MACROD1: variants seen among roughly 807,000 people sequenced by gnomAD.
MACROD1 encodes ADP-ribose glycohydrolase MACROD1.
Under a neutral mutation model 41.4 loss-of-function variants are expected in MACROD1, and 31 were observed. The ratio of observed to expected loss-of-function variants is 0.75; its 90% confidence interval spans 0.56 to 1.01. The LOEUF is 1.01. Ranked by LOEUF, MACROD1 falls within the 50% of genes least tolerant of loss-of-function variation. The pLI is 0.00. For missense variants in MACROD1, 473 were observed against 460.0 expected (o/e 1.03, Z -0.26); for synonymous variants, 252 against 203.4 (o/e 1.24, Z -2.03).
At chr11:64,100,762 A>T (rs1476560605) in intron 3 of MACROD1, among the ~76,000 whole-genome samples, 1 of 152,150 alleles carries the variant, frequency 6.6e-6, no homozygotes, top group Non-Finnish European at 1.5e-5. Context: ...CACACCCCAG[A>T]AGCCTGAGAG....
At chr11:64,051,210 G>A (rs555265604) in intron 3 of MACROD1, among the ~76,000 whole-genome samples, 5 of 152,368 alleles carry the variant, frequency 3.3e-5, no homozygotes, top group Admixed American at 2.0e-4. Flanking sequence ...GGCCAGGGGT[G>A]CCAAGACAGG....
chr11:64,014,331 G>A (rs997825954), intron 4 of MACROD1, among the ~76,000 whole-genome samples: 6 of 152,204 alleles, frequency 3.9e-5, no homozygotes, highest in Non-Finnish European at 8.8e-5. Context: ...GAATGGGGAG[G>A]AGGGAAAACA....
chr11:64,144,201 C>T (rs1207251523), intron 3 of MACROD1, among the ~76,000 whole-genome samples: 1 of 152,030 alleles, frequency 6.6e-6, no homozygotes, highest in African/African-American at 2.4e-5. Context: ...TGCTCTTGCC[C>T]CGACTTCTGA....
chr11:64,000,602 C>T (rs1299408730), intron 4 of MACROD1, among the ~76,000 whole-genome samples: 1 of 152,062 alleles, frequency 6.6e-6, no homozygotes, highest in African/African-American at 2.4e-5. Flanking sequence ...GCACCCGGCC[C>T]ACCCTGTCCC....
chr11:64,027,600 C>T (rs1943238955), intron 3 of MACROD1, among the ~76,000 whole-genome samples: 2 of 152,190 alleles, frequency 1.3e-5, no homozygotes, highest in South Asian at 4.1e-4. Flanking sequence ...TTCCACCACC[C>T]TCTGCAGGAA....
chr11:64,117,746 G>C, intron 3 of MACROD1: 1 of 1,614,014 alleles, frequency 6.2e-7, no homozygotes. Context: ...CAGAGTACCT[G>C]CTGACAGCCC....
intron 3 of MACROD1, among the ~76,000 whole-genome samples, chr11:64,135,353 C>T (rs1434274669): frequency 1.3e-5 from 2 of 152,226 alleles, no homozygotes; most frequent in Non-Finnish European, 2.9e-5. Flanking sequence ...CCAACTACAA[C>T]GGTCCCTAAA....
In MACROD1 at chr11:64,004,287, G is replaced by A. The variant is rs557094018; in HGVS notation, c.548-3944C>T. On this transcript the variant is annotated intron_variant, in intron 4 of 10. Coordinates refer to ENST00000255681, the MANE Select transcript of MACROD1 (RefSeq NM_014067.4). Reference sequence around the variant, plus strand: ...GGGCAGTGGAGGGCACCAGGAGTGGGCAGTCCTCAGAGCCAGCAGAGGCGG... The same window carrying A: ...GGGCAGTGGAGGGCACCAGGAGTGGACAGTCCTCAGAGCCAGCAGAGGCGG... 3.0e-4 allele frequency among the ~76,000 whole-genome samples: 45 copies of A among 152,356 alleles called. 1 individual carries two copies. Among genetic ancestry groups the A allele is most frequent in the Admixed American group, 2.9e-3 (44 of 15,306 alleles).
At chr11:64,138,521 G>A (rs963765131) in intron 3 of MACROD1, 40 of 985,392 alleles carry the variant, frequency 4.1e-5, no homozygotes, top group South Asian at 9.4e-5. Flanking sequence ...GGGATGTGGC[G>A]TTTGATGATG....
At chr11:64,125,462 G>A (rs1308274998) in intron 3 of MACROD1, among the ~76,000 whole-genome samples, 6 of 152,186 alleles carry the variant, frequency 3.9e-5, no homozygotes, top group Admixed American at 1.3e-4. Context: ...GAACGAGGCC[G>A]CCTCCTCCTC....
At chr11:64,032,048 G>A (rs1191243502) in intron 3 of MACROD1, among the ~76,000 whole-genome samples, 2 of 152,284 alleles carry the variant, frequency 1.3e-5, no homozygotes, top group South Asian at 2.1e-4. Context: ...CCCTGGGATG[G>A]CTTCATGCCT....
At chr11:64,080,805 G>A (rs758059515) in intron 3 of MACROD1, among the ~76,000 whole-genome samples, 1 of 152,132 alleles carries the variant, frequency 6.6e-6, no homozygotes, top group African/African-American at 2.4e-5. Context: ...AGTGTCCTCG[G>A]GCTCAGTGAT....
At chr11:63,999,440 T>C in intron 7 of MACROD1, 36 bp from the exon 8 acceptor site, 1 of 1,558,404 alleles carries the variant, frequency 6.4e-7, no homozygotes, top group Non-Finnish European at 8.7e-7. Flanking sequence ...TCCTAGGCTC[T>C]GGCCCCGCCC....
chr11:64,085,999 G>A lies in MACROD1; in HGVS notation c.517+65240C>T, dbSNP rs1330618229. Among the ~76,000 whole-genome samples the A allele has an allele frequency of 3.3e-5, 5 of 151,478 alleles. No homozygotes were observed. In the South Asian group the frequency reaches 6.3e-4, roughly 19 times the overall value. ...GGTTAGTGGGCTTGCAGCCTCAAAGGAGGCTCAGGGAGGGAGGGTGGGGGT... is the reference window on the plus strand; with the variant it reads ...GGTTAGTGGGCTTGCAGCCTCAAAGAAGGCTCAGGGAGGGAGGGTGGGGGT... On this transcript the variant is annotated intron_variant, in intron 3 of 10. Coordinates refer to ENST00000255681, the MANE Select transcript of MACROD1 (RefSeq NM_014067.4).
At chr11:64,016,806 C>G (rs1163573106) in intron 3 of MACROD1, among the ~76,000 whole-genome samples, 1 of 152,044 alleles carries the variant, frequency 6.6e-6, no homozygotes, top group African/African-American at 2.4e-5. Context: ...GTGGTGCCAG[C>G]GAGGCAGTGG....
At chr11:64,144,630 C>T (rs1206415726) in intron 3 of MACROD1, among the ~76,000 whole-genome samples, 1 of 152,040 alleles carries the variant, frequency 6.6e-6, no homozygotes, top group African/African-American at 2.4e-5. Flanking sequence ...AGCCCGGCCC[C>T]ACCTGCGCTT....
At chr11:64,043,670 C>T (rs1943531221) in intron 3 of MACROD1, among the ~76,000 whole-genome samples, 1 of 152,182 alleles carries the variant, frequency 6.6e-6, no homozygotes, top group African/African-American at 2.4e-5. Context: ...GCATACAATG[C>T]ATATTTCATA....
chr11:64,068,306 C>G (rs559085535), intron 3 of MACROD1, among the ~76,000 whole-genome samples: 20 of 152,362 alleles, frequency 1.3e-4, no homozygotes, highest in Non-Finnish European at 2.8e-4. Flanking sequence ...CCAGCACCCG[C>G]CTGTCCCACT....
rs1157281539 is a variant in MACROD1 at position 64,165,789 on chromosome 11, A to G, written c.206T>C (p.Val69Ala). 1.4e-6 allele frequency: 2 copies of G among 1,481,366 alleles called. No individual in the cohort carries two copies. The highest frequency in any genetic ancestry group is 2.6e-5 in the Admixed American group (1 of 38,786). The allele number at this position is 1,481,366 out of a possible 1,614,324, so 91.8% of individuals were successfully genotyped here. A position where few individuals can be genotyped will look rare whatever the true frequency, so the allele number is the denominator to read the frequency against. Reference sequence around the variant, plus strand: ...AGTGCGCACCCCGGCTGTCCGCCCCACCGCCGCCGCCCCCCACGCCCCAAC... The same window carrying G: ...AGTGCGCACCCCGGCTGTCCGCCCCGCCGCCGCCGCCCCCCACGCCCCAAC... The part of the protein sequence containing the change: ...AGVGAWGAAA[V>A]GRTAGVRTWA... The change falls in exon 1 of 11, where the codon GTG becomes GCG. Residue 69 changes from valine (V) to alanine (A), a missense_variant. Coordinates refer to ENST00000255681, the MANE Select transcript of MACROD1 (RefSeq NM_014067.4).
Sources: allele counts gnomAD v4.1 joint callset (sites outside exome capture counted in the v4.1 genomes callset), GRCh38; gene constraint gnomAD v4.1.1; transcripts MANE v1.5; gene names NCBI Gene and HGNC (gene_info 2026-07-23, HGNC 2026-07-21).